Variants in VPS8 observed in about 807,000 individuals in gnomAD.
The protein encoded by VPS8 is VPS8 subunit of CORVET complex, also known as vacuolar protein sorting-associated protein 8 homolog.
A neutral mutation model predicts 216.4 loss-of-function variants in VPS8; 129 were observed. The observed-to-expected ratio is 0.60, with a 90% CI of 0.52 to 0.69. The LOEUF (loss-of-function observed/expected upper bound fraction) is 0.69, where lower values mean the gene tolerates loss of function less well. Among genes scored for constraint, VPS8 ranks in the 30% least tolerant of loss-of-function variants. The pLI, the probability that VPS8 is intolerant of heterozygous loss-of-function variation, is 0.00. For synonymous variants in VPS8, 571 were observed against 565.4 expected (o/e 1.01, Z -0.14); for missense variants, 1,531 against 1,683.5 (o/e 0.91, Z 1.59).
At chr3:184,838,353 A>C (rs1227403350) in intron 5 of VPS8, among the ~76,000 whole-genome samples, 1 of 152,164 alleles carries the variant, frequency 6.6e-6, no homozygotes, top group African/African-American at 2.4e-5. Context: ...ACTTTTCTCA[A>C]ATCTTTATGT....
At chr3:184,839,204 C>G (rs1030969558) in intron 6 of VPS8, 9 of 176,354 alleles carry the variant, frequency 5.1e-5, no homozygotes, top group Admixed American at 1.8e-4. Flanking sequence ...CTGGTACTCT[C>G]TCTTCTTGTC....
intron 21 of VPS8, among the ~76,000 whole-genome samples, chr3:184,883,435 C>T (rs1489781641): frequency 2.6e-5 from 4 of 152,160 alleles, no homozygotes; most frequent in African/African-American, 9.7e-5. Flanking sequence ...CTTCTAACAC[C>T]TCTTCCCACA....
rs901991290 is a variant in VPS8, at chr3:184,921,509, G to GGAGAA, written c.2454+1312_2454+1316dup. On this transcript the variant is annotated intron_variant, in intron 29 of 47. Transcript: ENST00000625842. ...AGGCCCCTTGGTTGGTGGGGGAGAT[G>GGAGAA]GAGAAACATAGTCTGTATTCTTGTA... is the stretch of plus-strand genomic sequence containing the variant. 2.7e-3 allele frequency among the ~76,000 whole-genome samples: 408 copies of GGAGAA among 152,232 alleles called. 9 individuals carry two copies. The highest frequency in any genetic ancestry group is 1.2e-3 in the Non-Finnish European group (84 of 68,004).
At position 184,982,639 on chromosome 3, in the gene VPS8, A is replaced by G; in HGVS notation, c.3494A>G (p.His1165Arg). 1 of 1,610,936 alleles carries G rather than the reference A, an allele frequency of 6.2e-7. No individual in the cohort carries two copies. The highest frequency in any genetic ancestry group is 8.5e-7 in the Non-Finnish European group (1 of 1,179,006). ...KLSSSAIPHL[H>R]SEALKSLTMQ... ...TCCAGTTCAGCCATTCCTCATCTAC[A>G]CTCTGAAGGTAAGTTCTTCAGAATT... Residue 1165 changes from histidine to arginine, a missense_variant, in exon 41 of 48, where the codon CAC becomes CGC. By Grantham distance (29) the His-to-Arg change is conservative. Around this residue, in one of 3 missense-constraint regions of VPS8, gnomAD observed 1,318 missense variants for 1,468.4 expected, o/e 0.90. Transcript: ENST00000625842.
intron 17 of VPS8, 84 bp from the exon 18 acceptor site, chr3:184,867,940 T>G: frequency 8.6e-6 from 12 of 1,403,194 alleles, no homozygotes; most frequent in Non-Finnish European, 1.2e-5. Context: ...GGATATCAAA[T>G]GAGATGTGGG....
At chr3:185,046,468 T>C (rs1712936397) in intron 46 of VPS8, among the ~76,000 whole-genome samples, 1 of 152,036 alleles carries the variant, frequency 6.6e-6, no homozygotes, top group Non-Finnish European at 1.5e-5. Flanking sequence ...GATGGTGGAG[T>C]GTGGCCTGAG....
At chr3:184,894,643 T>G in intron 22 of VPS8, 60 bp from the exon 23 acceptor site, 2 of 1,328,136 alleles carry the variant, frequency 1.5e-6, no homozygotes, top group Non-Finnish European at 2.1e-6. Context: ...TTTGGGAGAC[T>G]AAATTTAATG....
intron 40 of VPS8, among the ~76,000 whole-genome samples, chr3:184,974,167 A>G (rs906270419): frequency 6.6e-6 from 1 of 152,124 alleles, no homozygotes; most frequent in Non-Finnish European, 1.5e-5. Flanking sequence ...ATGCTCACCA[A>G]CCATGTACAA....
intron 8 of VPS8, among the ~76,000 whole-genome samples, chr3:184,846,395 T>C (rs1723133890): frequency 6.6e-6 from 1 of 152,240 alleles, no homozygotes; most frequent in Non-Finnish European, 1.5e-5. Flanking sequence ...CTACAAGTTA[T>C]GTCCTTTTCC....
intron 37 of VPS8, among the ~76,000 whole-genome samples, chr3:184,958,244 T>G (rs757219716): frequency 6.6e-6 from 1 of 152,184 alleles, no homozygotes; most frequent in Non-Finnish European, 1.5e-5. Flanking sequence ...TTGTCCCTTA[T>G]TGAAACAATC....
intron 1 of VPS8, among the ~76,000 whole-genome samples, chr3:184,822,900 A>G (rs1560258329): frequency 6.6e-6 from 1 of 152,214 alleles, no homozygotes; most frequent in Non-Finnish European, 1.5e-5. Flanking sequence ...TGTGTTTGAT[A>G]GTGTGTGTTT....
intron 22 of VPS8, among the ~76,000 whole-genome samples, chr3:184,889,069 T>C (rs1411664174): frequency 6.6e-6 from 1 of 152,238 alleles, no homozygotes; most frequent in Non-Finnish European, 1.5e-5. Flanking sequence ...TTCTTTTTTA[T>C]ATGATTTGGA....
At chr3:184,928,311 A>T (rs999470038) in intron 31 of VPS8, 140 bp from the exon 32 acceptor site, 1 of 616,538 alleles carries the variant, frequency 1.6e-6, no homozygotes. Flanking sequence ...AACCCCTTCC[A>T]TATGTGACAG....
chr3:184,998,380 A>G lies in VPS8; in HGVS notation c.3837-1316A>G, dbSNP rs1046645078. On this transcript the variant is annotated intron_variant, in intron 44 of 47. Coordinates refer to ENST00000625842, the MANE Select transcript of VPS8 (RefSeq NM_001009921.3). The stretch of plus-strand genomic sequence containing the variant: ...GAAGTAAGAAGTGGTAGGATTCTGG[A>G]TATATTTAGAAGGTAGTGGTATTTT... Among the ~76,000 whole-genome samples, 5 of 151,744 alleles carry G rather than the reference A, an allele frequency of 3.3e-5. No homozygotes were observed. The South Asian group carries it at 8.3e-4, about 25-fold the overall frequency.
chr3:184,984,194 A>AAAAAAAAAAAAAAAAAAAAAATCACCAAG lies in VPS8; in HGVS notation c.3585+1100_3585+1101insAAAAAAAAAAAAAAAAAAAAATCACCAAG. 6.4e-5 allele frequency among the ~76,000 whole-genome samples: 3 copies of AAAAAAAAAAAAAAAAAAAAAATCACCAAG among 46,528 alleles called. 1 individual carries two copies. The highest frequency in any genetic ancestry group is 2.0e-4 in the African/African-American group (3 of 14,856). The allele number at this position is 46,528 out of a possible 152,430, so 30.5% of individuals were successfully genotyped here. A position where few individuals can be genotyped will look rare whatever the true frequency, so the allele number is the denominator to read the frequency against. ...GCGAGACTCCGTCTCAAAAAAAAAA[A>AAAAAAAAAAAAAAAAAAAAAATCACCAAG]CTCTACTTCCCATCTGATATTAAGC... On this transcript the variant is annotated intron_variant, in intron 42 of 47. Transcript: ENST00000625842.
Position 184,869,517 on chromosome 3 carries a change from G to T in VPS8, c.1633G>T (p.Val545Phe). 1 of 1,613,392 alleles carries T rather than the reference G, an allele frequency of 6.2e-7. No individual in the cohort carries two copies. Among genetic ancestry groups the T allele is most frequent in the Non-Finnish European group, 8.5e-7 (1 of 1,179,516 alleles). Residue 545 changes from valine to phenylalanine, a missense_variant, in exon 20 of 48, where the codon GTT (valine) becomes TTT (phenylalanine). Val to Phe is a conservative substitution (Grantham distance 50, BLOSUM62 -1). Around this residue, in one of 3 missense-constraint regions of VPS8, gnomAD observed 1,318 missense variants for 1,468.4 expected, o/e 0.90. Transcript: ENST00000625842. ...GGATGCCAGTAAGCGAAAGGCTATT[G>T]TTGCAGACCGGGTGAGTATTTTAAG... is the stretch of plus-strand genomic sequence containing the variant. The part of the protein sequence containing the change: ...SGDASKRKAI[V>F]ADRMVEILFH...
intron 21 of VPS8, among the ~76,000 whole-genome samples, chr3:184,880,059 C>G (rs1560503158): frequency 6.6e-6 from 1 of 152,056 alleles, no homozygotes; most frequent in Non-Finnish European, 1.5e-5. Flanking sequence ...TAGTGGCAGG[C>G]ATAAAAAGTA....
chr3:184,917,835 A>C (rs1374466002), intron 28 of VPS8, among the ~76,000 whole-genome samples: 1 of 152,240 alleles, frequency 6.6e-6, no homozygotes, highest in Non-Finnish European at 1.5e-5. Flanking sequence ...CTGCTATAAC[A>C]AAATGCATAG....
At chr3:184,939,447 T>C (rs1425572247) in intron 35 of VPS8, among the ~76,000 whole-genome samples, 1 of 151,964 alleles carries the variant, frequency 6.6e-6, no homozygotes, top group Non-Finnish European at 1.5e-5. Flanking sequence ...TTTGCATAGG[T>C]TTCCCAAGAA....
Sources: gnomAD v4.1 joint callset for allele counts (sites outside exome capture counted in the v4.1 genomes callset) on GRCh38, gnomAD v4.1.1 for gene constraint, gnomAD v4.1.1 regional missense constraint, MANE v1.5 for transcripts, NCBI Gene and HGNC (gene_info 2026-07-23, HGNC 2026-07-21) for gene names.